GLDN: variants seen among roughly 807,000 people sequenced by gnomAD.
GLDN encodes gliomedin.
A neutral mutation model predicts 56.5 loss-of-function variants in GLDN; 47 were observed. The ratio of observed to expected loss-of-function variants is 0.83; its 90% CI spans 0.66 to 1.06. The LOEUF (loss-of-function observed/expected upper bound fraction) is 1.06, where lower values mean the gene tolerates loss of function less well. Among genes scored for constraint, GLDN ranks in the 50% least tolerant of loss-of-function variants. The pLI, the probability that GLDN is intolerant of heterozygous loss-of-function variation, is 0.00. For synonymous variants in GLDN, 332 were observed against 278.8 expected (o/e 1.19, Z -1.90); for missense variants, 782 against 714.3 (o/e 1.09, Z -1.08).
chr15:51,396,878 T>A (rs955243244), intron 5 of GLDN, among the ~76,000 whole-genome samples: 3 of 152,234 alleles, frequency 2.0e-5, no homozygotes, highest in Admixed American at 2.0e-4. Flanking sequence ...ATGCAAAACA[T>A]GTATAATTTA....
In GLDN at chr15:51,381,991, T is replaced by C. The variant is rs542157609; in HGVS notation, c.416-1445T>C. ...ACCTCCTGGTTTGACATTCAAGTGC[T>C]TCTGCCACCCACCATACCCAGGTCC... On this transcript the variant is annotated intron_variant, in intron 2 of 9. Coordinates refer to ENST00000335449, the MANE Select transcript of GLDN (RefSeq NM_181789.4). Among the ~76,000 whole-genome samples, 194 of 152,290 alleles carry C rather than the reference T, an allele frequency of 1.3e-3. 1 individual carries two copies. The highest frequency in any genetic ancestry group is 4.6e-3 in the African/African-American group (190 of 41,552).
chr15:51,349,976 C>A (rs1004247130), intron 1 of GLDN, among the ~76,000 whole-genome samples: 1 of 152,128 alleles, frequency 6.6e-6, no homozygotes, highest in Non-Finnish European at 1.5e-5. Context: ...ATCTCCTGAC[C>A]TCGTGATCTG....
intron 6 of GLDN, among the ~76,000 whole-genome samples, chr15:51,399,450 C>T (rs533999264): frequency 1.3e-5 from 2 of 152,316 alleles, no homozygotes; most frequent in East Asian, 1.9e-4. Context: ...GCTTCTGCTG[C>T]CCTAAGGCAC....
intron 1 of GLDN, among the ~76,000 whole-genome samples, chr15:51,345,227 A>G (rs1006407737): frequency 6.6e-6 from 1 of 152,148 alleles, no homozygotes; most frequent in Non-Finnish European, 1.5e-5. Flanking sequence ...TAGCTTTATC[A>G]TCCTGTCTTT....
intron 1 of GLDN, chr15:51,377,217 G>A (rs2037651176): frequency 1.8e-6 from 1 of 552,210 alleles, no homozygotes; most frequent in Non-Finnish European, 3.2e-6. Flanking sequence ...CCCGTGACTG[G>A]ACAAATGAGG....
At chr15:51,413,334 CA>C in the GLDN span, among the ~76,000 whole-genome samples, 14 of 152,114 alleles carry the variant, frequency 9.2e-5, no homozygotes, top group African/African-American at 3.4e-4. Flanking sequence ...ACTATCTACA[CA>C]AAAAACACCT....
In GLDN at chr15:51,406,232, T is replaced by G. The variant is rs1291800900; in HGVS notation, c.*1478T>G. 6.6e-6 allele frequency: 1 copy of G among 152,200 alleles called. No homozygotes were observed. The highest frequency in any genetic ancestry group is 1.5e-5 in the Non-Finnish European group (1 of 68,050). The allele number at this position is 152,200 out of a possible 1,614,324, so 9.4% of individuals were successfully genotyped here. A position where few individuals can be genotyped will look rare whatever the true frequency, so the allele number is the denominator to read the frequency against. ...ATGCCAGGAGAGAATCCAGTTGAAC[T>G]TGCTCCTAAATGCTCTTAAATATGC... On this transcript the variant is annotated 3_prime_UTR_variant, in exon 10 of 10. Coordinates refer to ENST00000335449, the MANE Select transcript of GLDN (RefSeq NM_181789.4).
chr15:51,351,483 T>A (rs1038077119), intron 1 of GLDN, among the ~76,000 whole-genome samples: 3 of 152,192 alleles, frequency 2.0e-5, no homozygotes, highest in African/African-American at 7.2e-5. Context: ...GATTATTTAG[T>A]AGCTCTGCCC....
rs1451597370 is a variant in GLDN, at chr15:51,405,383, T to TG, written c.*629_*630insG. The TG allele has an allele frequency of 5.7e-4, 86 of 151,768 alleles. 1 individual carries two copies. The highest frequency in any genetic ancestry group is 2.1e-3 in the African/African-American group (86 of 41,390). The allele number at this position is 151,768 out of a possible 1,614,324, so 9.4% of individuals were successfully genotyped here. A position where few individuals can be genotyped will look rare whatever the true frequency, so the allele number is the denominator to read the frequency against. On this transcript the variant is annotated 3_prime_UTR_variant, in exon 10 of 10. Coordinates refer to ENST00000335449, the MANE Select transcript of GLDN (RefSeq NM_181789.4). ...GGGACAGCTACATGTTCAGGTTTTT[T>TG]TTTTTTTTTTTTTTTCAATAAGCTA... is the stretch of plus-strand genomic sequence containing the variant.
At chr15:51,384,133 C>A in intron 4 of GLDN, 1 of 503,544 alleles carries the variant, frequency 2.0e-6, no homozygotes, top group South Asian at 2.0e-5. Context: ...GACTCGCACC[C>A]TTCTGCTGCA....
intron 1 of GLDN, among the ~76,000 whole-genome samples, chr15:51,348,890 T>C (rs964965713): frequency 5.9e-5 from 9 of 152,228 alleles, no homozygotes; most frequent in African/African-American, 2.2e-4. Context: ...ATGCCTTTAT[T>C]TACCAGCCTG....
chr15:51,382,472 A>C (rs946865393), intron 2 of GLDN, among the ~76,000 whole-genome samples: 1 of 152,042 alleles, frequency 6.6e-6, no homozygotes, highest in Admixed American at 6.5e-5. Context: ...TAATCATTAT[A>C]TGTGGTCTAA....
intron 1 of GLDN, among the ~76,000 whole-genome samples, chr15:51,362,644 T>C (rs1346271630): frequency 6.6e-6 from 1 of 151,806 alleles, no homozygotes; most frequent in East Asian, 1.9e-4. Flanking sequence ...GGAAGAAGAG[T>C]GACATGATCT....
At position 51,404,652 on chromosome 15, in the gene GLDN, C is replaced by T; in HGVS notation, c.1554C>T (p.Ala518=). Residue 518 remains alanine, a synonymous_variant, in exon 10 of 10, where the codon GCC becomes GCT. Transcript: ENST00000335449. Reference sequence around the variant, plus strand: ...TAAGAACTTCCCAGTCTGTTCTTGCCATGTTAGCATACAACATGAGAGATC... The same window carrying T: ...TAAGAACTTCCCAGTCTGTTCTTGCTATGTTAGCATACAACATGAGAGATC... ...FDLRTSQSVL[A]MLAYNMRDQH... 6.2e-7 allele frequency: 1 copy of T among 1,612,544 alleles called. No homozygotes were observed. Among genetic ancestry groups the T allele is most frequent in the Non-Finnish European group, 8.5e-7 (1 of 1,178,558 alleles).
intron 2 of GLDN, among the ~76,000 whole-genome samples, chr15:51,380,085 G>A (rs1402080168): frequency 6.6e-6 from 1 of 152,178 alleles, no homozygotes; most frequent in African/African-American, 2.4e-5. Flanking sequence ...GATGGGGCAA[G>A]GAGTACAGAG....
At chr15:51,381,419 CT>C (rs2037757356) in intron 2 of GLDN, among the ~76,000 whole-genome samples, 1 of 152,178 alleles carries the variant, frequency 6.6e-6, no homozygotes, top group African/African-American at 2.4e-5. Flanking sequence ...TGTTCGCCAT[CT>C]GGTGGTAAAG....
intron 3 of GLDN, 129 bp downstream of exon 3, chr15:51,383,582 G>C: frequency 8.5e-7 from 1 of 1,175,942 alleles, no homozygotes; most frequent in Non-Finnish European, 1.3e-6. Context: ...CTCCTTCTTT[G>C]TGCCCCTCAC....
intron 1 of GLDN, 73 bp downstream of exon 1, chr15:51,342,120 C>A (rs1376562325): frequency 2.7e-5 from 42 of 1,554,188 alleles, no homozygotes; most frequent in Non-Finnish European, 3.6e-5. Flanking sequence ...AGGACGCCGA[C>A]GCCCTCTTCT....
intron 1 of GLDN, among the ~76,000 whole-genome samples, chr15:51,345,568 T>C (rs1335752676): frequency 6.6e-6 from 1 of 152,184 alleles, no homozygotes; most frequent in African/African-American, 2.4e-5. Flanking sequence ...TTTTAAAACA[T>C]GCAATAAAAT....
Sources: allele counts gnomAD v4.1 joint callset (sites outside exome capture counted in the v4.1 genomes callset), GRCh38; gene constraint gnomAD v4.1.1; transcripts MANE v1.5; gene names NCBI Gene and HGNC (gene_info 2026-07-23, HGNC 2026-07-21).